KIF13B: variants seen among roughly 807,000 people sequenced by gnomAD.
The protein encoded by KIF13B is kinesin family member 13B, also known as kinesin-like protein KIF13B.
In KIF13B, 127 loss-of-function variants were observed where a neutral mutation model predicts 222.0. The ratio of observed to expected loss-of-function variants is 0.57; its 90% CI spans 0.50 to 0.66. The LOEUF (loss-of-function observed/expected upper bound fraction) is 0.66. KIF13B is among the 30% of genes least tolerant of loss of function. The probability of loss-of-function intolerance (pLI) is 0.00; values close to 1 mark genes in which losing one functional copy is unlikely to be tolerated. For synonymous variants in KIF13B, 976 were observed against 919.0 expected (o/e 1.06, Z -1.12); for missense variants, 2,173 against 2,379.0 (o/e 0.91, Z 1.80).
chr8:29,224,723 T>C (rs1231739622), intron 2 of KIF13B, among the ~76,000 whole-genome samples: 1 of 151,394 alleles, frequency 6.6e-6, no homozygotes, highest in Non-Finnish European at 1.5e-5. Context: ...CATCCTTGAT[T>C]AGAGGTGTTC....
At chr8:29,157,040 TA>T (rs1179114139) in intron 13 of KIF13B, among the ~76,000 whole-genome samples, 1 of 152,052 alleles carries the variant, frequency 6.6e-6, no homozygotes, top group Non-Finnish European at 1.5e-5. Context: ...TTCTTTCTCT[TA>T]CAAGCCCATA....
chr8:29,209,391 C>T (rs1454761017), intron 2 of KIF13B, among the ~76,000 whole-genome samples: 3 of 152,152 alleles, frequency 2.0e-5, no homozygotes, highest in Non-Finnish European at 4.4e-5. Flanking sequence ...ACTACCTAAG[C>T]CTCAGAAATC....
Position 29,146,482 on chromosome 8 carries a change from G to C in KIF13B, c.2083C>G (p.Leu695Val), listed in dbSNP as rs1277630291. Residue 695 changes from leucine to valine, a missense_variant, in exon 18 of 40, where the codon CTA (leucine) becomes GTA (valine). This residue lies in a region of KIF13B where 1,480 missense variants were observed against 1,722.8 expected (regional missense o/e 0.86). Coordinates refer to ENST00000524189, the MANE Select transcript of KIF13B (RefSeq NM_015254.4). ...RLREQIVKANLLVREANYIAE... is the reference protein window; with the variant it reads ...RLREQIVKANVLVREANYIAE... ...ATGTAATTAGCTTCTCTCACCAATA[G>C]ATTGGCCTTAACAATTTGTTCCCTC... 1 of 1,613,654 alleles carries C rather than the reference G, an allele frequency of 6.2e-7. No individual in the cohort carries two copies. Among genetic ancestry groups the C allele is most frequent in the East Asian group, 2.2e-5 (1 of 44,884 alleles).
chr8:29,157,841 A>AC (rs1811606917), intron 13 of KIF13B, among the ~76,000 whole-genome samples: 2 of 151,714 alleles, frequency 1.3e-5, no homozygotes. Flanking sequence ...AAAAAAAAAA[A>AC]AAAAAAAAGT....
At chr8:29,109,695 C>T (rs538719049) in intron 33 of KIF13B, among the ~76,000 whole-genome samples, 184 bp from the exon 34 acceptor site, 1 of 152,302 alleles carries the variant, frequency 6.6e-6, no homozygotes, top group Admixed American at 6.5e-5. Flanking sequence ...TCCATAAATA[C>T]ATACATCTAC....
chr8:29,140,727 C>T (rs1810781120), intron 19 of KIF13B, 110 bp from the exon 20 acceptor site: 7 of 991,160 alleles, frequency 7.1e-6, no homozygotes, highest in Non-Finnish European at 2.9e-6. Context: ...TTTCATCATC[C>T]TAACTCTTGT....
In KIF13B at chr8:29,241,522, G is replaced by GA. The variant is rs539424299; in HGVS notation, c.149+3823dup. Among the ~76,000 whole-genome samples the GA allele has an allele frequency of 2.2e-4, 33 of 152,338 alleles. 2 individuals carry two copies. In the South Asian group the frequency reaches 6.4e-3, roughly 30 times the overall value. ...TTGGGGGATTCCCCAGAGCTTTTCA[G>GA]AGAGTCTGGAGGTTGGGATTATTTT... On this transcript the variant is annotated intron_variant, in intron 2 of 39. Coordinates refer to ENST00000524189, the MANE Select transcript of KIF13B (RefSeq NM_015254.4).
chr8:29,098,594 C>T (rs1180882009), intron 36 of KIF13B, among the ~76,000 whole-genome samples: 1 of 145,504 alleles, frequency 6.9e-6, no homozygotes, highest in Non-Finnish European at 1.5e-5. Context: ...CAGAGCAAGA[C>T]TCTGTCTCAA....
At chr8:29,254,958 A>G (rs1816421882) in intron 1 of KIF13B, among the ~76,000 whole-genome samples, 1 of 152,238 alleles carries the variant, frequency 6.6e-6, no homozygotes, top group Non-Finnish European at 1.5e-5. Context: ...GTTCAGCTAT[A>G]AAAAGAATGA....
At chr8:29,101,849 C>T (rs1483787387) in intron 35 of KIF13B, among the ~76,000 whole-genome samples, 2 of 152,126 alleles carry the variant, frequency 1.3e-5, no homozygotes, top group African/African-American at 2.4e-5. Context: ...GGGTACCACG[C>T]GCTTCCCTCC....
At chr8:29,141,259 A>G (rs1215696449) in intron 19 of KIF13B, among the ~76,000 whole-genome samples, 1 of 151,856 alleles carries the variant, frequency 6.6e-6, no homozygotes, top group Non-Finnish European at 1.5e-5. Context: ...ACTTGAACCC[A>G]GGAGGCAGAG....
chr8:29,132,254 CAAA>C, intron 23 of KIF13B, 51 bp downstream of exon 23: 1 of 1,186,360 alleles, frequency 8.4e-7, no homozygotes, highest in Non-Finnish European at 1.1e-6. Flanking sequence ...TCTCAAAAAA[CAAA>C]AAAAAAATTA....
intron 3 of KIF13B, among the ~76,000 whole-genome samples, chr8:29,191,368 G>A (rs1395817739): frequency 6.6e-6 from 1 of 151,946 alleles, no homozygotes; most frequent in Non-Finnish European, 1.5e-5. Context: ...TCTGTTTCAT[G>A]TTTTTATATT....
chr8:29,130,624 A>G lies in KIF13B; in HGVS notation c.2984T>C (p.Ile995Thr). 6.2e-7 allele frequency: 1 copy of G among 1,613,892 alleles called. No individual in the cohort carries two copies. The highest frequency in any genetic ancestry group is 1.3e-5 in the African/African-American group (1 of 75,062). Residue 995 changes from isoleucine to threonine, a missense_variant, in exon 24 of 40, where the codon ATC becomes ACC. By Grantham distance (89) the Ile-to-Thr change is moderately conservative (BLOSUM62 -1). This residue lies in a region of KIF13B where 1,480 missense variants were observed against 1,722.8 expected (regional missense o/e 0.86). Coordinates refer to ENST00000524189, the MANE Select transcript of KIF13B (RefSeq NM_015254.4). Reference protein sequence around the residue: ...VTRKLEFWVQILEQNENGEYC... With the variant: ...VTRKLEFWVQTLEQNENGEYC... Reference sequence around the variant, plus strand: ...TTCACCATTCTCATTCTGTTCCAAGATTTGAACCCAGAATTCCAATTTCCT... The same window carrying G: ...TTCACCATTCTCATTCTGTTCCAAGGTTTGAACCCAGAATTCCAATTTCCT...
intron 1 of KIF13B, among the ~76,000 whole-genome samples, chr8:29,249,369 G>A (rs936959349): frequency 1.3e-5 from 2 of 149,772 alleles, no homozygotes; most frequent in African/African-American, 4.9e-5. Flanking sequence ...GGTGGAGGTT[G>A]CAGTGAGCCA....
chr8:29,171,023 TGGA>T (rs1812214732), intron 10 of KIF13B, among the ~76,000 whole-genome samples: 1 of 152,072 alleles, frequency 6.6e-6, no homozygotes, highest in African/African-American at 2.4e-5. Context: ...AACCTAACCA[TGGA>T]GAAAGGACTG....
In KIF13B at chr8:29,228,472, A is replaced by AAAAAAAAAT; in HGVS notation, c.149+16873_149+16874insATTTTTTTT. Among the ~76,000 whole-genome samples the AAAAAAAAAT allele has an allele frequency of 4.3e-3, 499 of 117,082 alleles. 16 individuals carry two copies. Among genetic ancestry groups the AAAAAAAAAT allele is most frequent in the African/African-American group, 0.015 (461 of 30,726 alleles). 76.8% of individuals were successfully genotyped at this position (117,082 alleles called of 152,430 possible). A position where few individuals can be genotyped will look rare whatever the true frequency, so the allele number is the denominator to read the frequency against. ...ACAGAGCCAGACTCCATCTTAAAAA[A>AAAAAAAAAT]ATATATATATATATATATGAGATAC... On this transcript the variant is annotated intron_variant, in intron 2 of 39. Transcript: ENST00000524189.
intron 12 of KIF13B, among the ~76,000 whole-genome samples, chr8:29,161,819 A>T (rs1811795800): frequency 1.3e-5 from 2 of 152,100 alleles, no homozygotes; most frequent in South Asian, 4.1e-4. Context: ...CTACTTCGTA[A>T]CTGTTCACCG....
chr8:29,101,300 T>G (rs1274742829), intron 35 of KIF13B, among the ~76,000 whole-genome samples: 1 of 152,180 alleles, frequency 6.6e-6, no homozygotes, highest in Non-Finnish European at 1.5e-5. Context: ...AGTGGCGAGC[T>G]CACACATGGC....
Sources: gnomAD v4.1 joint callset for allele counts (sites outside exome capture counted in the v4.1 genomes callset) on GRCh38, gnomAD v4.1.1 for gene constraint, gnomAD v4.1.1 regional missense constraint, MANE v1.5 for transcripts, NCBI Gene and HGNC (gene_info 2026-07-23, HGNC 2026-07-21) for gene names.